Variants in FGL1 observed in about 807,000 individuals in gnomAD.
The protein encoded by FGL1 is fibrinogen-like protein 1.
Under a neutral mutation model 43.7 loss-of-function variants are expected in FGL1, and 59 were observed. The observed-to-expected ratio is 1.35, with a 90% CI of 1.10 to 1.68. The LOEUF (loss-of-function observed/expected upper bound fraction) is 1.68, where lower values mean the gene tolerates loss of function less well. Among genes scored for constraint, FGL1 ranks in the 40% most tolerant of loss-of-function variants. FGL1 has a pLI of 0.00. For synonymous variants in FGL1, 192 were observed against 126.5 expected (o/e 1.52, Z -3.48); for missense variants, 596 against 373.0 (o/e 1.60, Z -4.92).
chr8:17,872,513 G>A (rs1002302362), intron 5 of FGL1, among the ~76,000 whole-genome samples: 1 of 152,084 alleles, frequency 6.6e-6, no homozygotes, highest in African/African-American at 2.4e-5. Flanking sequence ...ATGTTGGCCA[G>A]GCTGGTCTCG....
chr8:17,893,608 A>G (rs1180951354), intron 1 of FGL1, among the ~76,000 whole-genome samples: 2 of 147,716 alleles, frequency 1.4e-5, no homozygotes, highest in Non-Finnish European at 3.0e-5. Context: ...TAGCATATAA[A>G]CAATAAAGCA....
intron 3 of FGL1, among the ~76,000 whole-genome samples, chr8:17,879,466 C>T (rs775474867): frequency 1.1e-4 from 17 of 152,046 alleles, no homozygotes; most frequent in East Asian, 3.9e-4. Context: ...TAGTGGGAGG[C>T]GATTGGCTCA....
chr8:17,873,057 G>A (rs191151151), intron 5 of FGL1, among the ~76,000 whole-genome samples: 3 of 152,242 alleles, frequency 2.0e-5, no homozygotes, highest in East Asian at 1.9e-4. Context: ...TGAGATGTAT[G>A]TGGAAACATG....
At chr8:17,886,238 C>T (rs2053626482) in intron 1 of FGL1, among the ~76,000 whole-genome samples, 1 of 152,142 alleles carries the variant, frequency 6.6e-6, no homozygotes, top group South Asian at 2.1e-4. Context: ...ACATACTTTC[C>T]TCTTTTACTG....
At chr8:17,871,257 C>A (rs1026291588) in intron 5 of FGL1, among the ~76,000 whole-genome samples, 8 of 152,052 alleles carry the variant, frequency 5.3e-5, no homozygotes, top group Non-Finnish European at 1.2e-4. Flanking sequence ...CTTTGGGAGG[C>A]TAAGGCACGC....
chr8:17,890,536 G>C (rs369489411), intron 1 of FGL1, among the ~76,000 whole-genome samples: 1 of 152,012 alleles, frequency 6.6e-6, no homozygotes, highest in East Asian at 1.9e-4. Flanking sequence ...CATCCTTCAG[G>C]TCTTTGCTCA....
chr8:17,868,694 A>G lies in FGL1; in HGVS notation c.633T>C (p.Ala211=). The G allele has an allele frequency of 6.2e-7, 1 of 1,613,792 alleles. No individual in the cohort carries two copies. The highest frequency in any genetic ancestry group is 8.5e-7 in the Non-Finnish European group (1 of 1,179,920). The stretch of plus-strand genomic sequence containing the variant: ...GAAAATTCCCCGCAAGGGAATCTCC[A>G]GCTGTTCCAGAATATTCCCCAATAT... The part of the protein sequence containing the change: ...ELNIGEYSGT[A]GDSLAGNFHP... Residue 211 remains alanine, a synonymous_variant, in exon 7 of 8, where the codon GCT becomes GCC. Transcript: ENST00000427924.
chr8:17,868,377 A>G (rs2053302730), intron 7 of FGL1, 171 bp downstream of exon 7: 1 of 455,244 alleles, frequency 2.2e-6, no homozygotes, highest in Non-Finnish European at 3.7e-6. Flanking sequence ...TACACAATGA[A>G]CAAATCCTCA....
chr8:17,879,346 C>G (rs375837369), intron 3 of FGL1, among the ~76,000 whole-genome samples: 1 of 152,026 alleles, frequency 6.6e-6, no homozygotes, highest in African/African-American at 2.4e-5. Context: ...AAGTCTGCTC[C>G]CCAGCAGTGT....
At position 17,881,189 on chromosome 8, in the gene FGL1, T is replaced by G. The variant is rs894913383; in HGVS notation, c.244+810A>C. On this transcript the variant is annotated intron_variant, in intron 3 of 7. Transcript: ENST00000427924. ...TCTTATTGTGTTGCCCAGGCTGGAG[T>G]GCAGTGGCACGATCTTGGCTCACTG... Among the ~76,000 whole-genome samples the G allele has an allele frequency of 2.0e-5, 3 of 150,204 alleles. No individual in the cohort carries two copies. In the South Asian group the frequency reaches 6.3e-4, roughly 31 times the overall value.
intron 5 of FGL1, among the ~76,000 whole-genome samples, chr8:17,872,626 T>G (rs1360897184): frequency 6.6e-6 from 1 of 152,128 alleles, no homozygotes; most frequent in Non-Finnish European, 1.5e-5. Flanking sequence ...GCAATTGCAG[T>G]GTAACTTAGC....
intron 5 of FGL1, among the ~76,000 whole-genome samples, chr8:17,871,089 C>A (rs562264161): frequency 6.6e-6 from 1 of 151,980 alleles, no homozygotes; most frequent in Non-Finnish European, 1.5e-5. Flanking sequence ...GATTTAGCAC[C>A]ACAATTTCCT....
intron 3 of FGL1, among the ~76,000 whole-genome samples, chr8:17,878,241 G>A (rs1270456211): frequency 5.9e-5 from 9 of 152,154 alleles, no homozygotes; most frequent in Non-Finnish European, 1.5e-5. Context: ...CATGATTCAT[G>A]GCACCTGGCC....
intron 5 of FGL1, 133 bp downstream of exon 5, chr8:17,873,886 C>A: frequency 1.9e-6 from 1 of 529,350 alleles, no homozygotes; most frequent in Non-Finnish European, 3.1e-6. Context: ...GATTATTGCC[C>A]AAAAGTTATC....
chr8:17,865,796 C>G (rs963290470), intron 7 of FGL1, among the ~76,000 whole-genome samples: 2 of 152,216 alleles, frequency 1.3e-5, no homozygotes, highest in South Asian at 2.1e-4. Flanking sequence ...AGAGGTAGTT[C>G]TGAACATCTA....
intron 1 of FGL1, 152 bp from the exon 2 acceptor site, chr8:17,885,723 C>A: frequency 1.6e-6 from 1 of 607,094 alleles, no homozygotes; most frequent in Non-Finnish European, 2.9e-6. Flanking sequence ...ACTTTCCCAG[C>A]CTCTCACCAC....
intron 3 of FGL1, among the ~76,000 whole-genome samples, chr8:17,877,296 C>T (rs2053470738): frequency 6.6e-6 from 1 of 152,062 alleles, no homozygotes; most frequent in South Asian, 2.1e-4. Flanking sequence ...GCCAAGGCAT[C>T]CTGCCTTCTG....
intron 2 of FGL1, among the ~76,000 whole-genome samples, chr8:17,883,604 T>A (rs1464092733): frequency 2.1e-5 from 3 of 142,518 alleles, no homozygotes; most frequent in Non-Finnish European, 4.5e-5. Context: ...TAAAATTACA[T>A]AATGGATTTA....
intron 1 of FGL1, among the ~76,000 whole-genome samples, chr8:17,890,544 T>A (rs2053689315): frequency 6.6e-6 from 1 of 152,196 alleles, no homozygotes; most frequent in Admixed American, 6.5e-5. Flanking sequence ...AGGTCTTTGC[T>A]CAGGTATTCC....
Sources: allele counts gnomAD v4.1 joint callset (sites outside exome capture counted in the v4.1 genomes callset), GRCh38; gene constraint gnomAD v4.1.1; transcripts MANE v1.5; gene names NCBI Gene and HGNC (gene_info 2026-07-23, HGNC 2026-07-21).